TNR: variants seen among roughly 807,000 people sequenced by gnomAD.
TNR encodes the protein tenascin R.
A neutral mutation model predicts 150.4 loss-of-function variants in TNR; 45 were observed. The observed-to-expected ratio is 0.30, with a 90% CI of 0.24 to 0.38. TNR has a LOEUF of 0.38. TNR is among the 10% of genes least tolerant of loss of function. The pLI is 1.00. For synonymous variants in TNR, 687 were observed against 678.4 expected (o/e 1.01, Z -0.20); for missense variants, 1,544 against 1,759.1 (o/e 0.88, Z 2.19).
chr1:175,519,342 T>G (rs1659540046), intron 2 of TNR, among the ~76,000 whole-genome samples: 1 of 152,238 alleles, frequency 6.6e-6, no homozygotes, highest in Admixed American at 6.5e-5. Flanking sequence ...TGTTATCCAT[T>G]AAATTTTGAG....
At chr1:175,444,246 G>C (rs1655928774) in intron 2 of TNR, among the ~76,000 whole-genome samples, 1 of 152,144 alleles carries the variant, frequency 6.6e-6, no homozygotes, top group Non-Finnish European at 1.5e-5. Context: ...AGGAGAGGAG[G>C]GACCCCTGCA....
At chr1:175,455,099 A>G (rs948196544) in intron 2 of TNR, among the ~76,000 whole-genome samples, 1 of 152,198 alleles carries the variant, frequency 6.6e-6, no homozygotes, top group Non-Finnish European at 1.5e-5. Context: ...TCATGCTGAT[A>G]ATCCCAGCCT....
intron 1 of TNR, among the ~76,000 whole-genome samples, chr1:175,552,727 C>T (rs1660996216): frequency 6.6e-6 from 1 of 152,178 alleles, no homozygotes; most frequent in Non-Finnish European, 1.5e-5. Flanking sequence ...TTCTTTATCT[C>T]CCCTGTCTGT....
chr1:175,677,248 G>A (rs528339207), intron 1 of TNR, among the ~76,000 whole-genome samples: 2 of 152,332 alleles, frequency 1.3e-5, no homozygotes, highest in African/African-American at 4.8e-5. Context: ...GTTGTAACCA[G>A]AGTGCATTCA....
intron 20 of TNR, among the ~76,000 whole-genome samples, chr1:175,333,051 T>C (rs1034739791): frequency 6.6e-6 from 1 of 152,222 alleles, no homozygotes; most frequent in Non-Finnish European, 1.5e-5. Flanking sequence ...TTGTTTAGCA[T>C]GAAAAGCATG....
At chr1:175,471,853 C>A (rs139107559) in intron 2 of TNR, among the ~76,000 whole-genome samples, 1 of 152,084 alleles carries the variant, frequency 6.6e-6, no homozygotes, top group African/African-American at 2.4e-5. Context: ...TTTGCAATAA[C>A]GTAACTTAAA....
chr1:175,650,835 C>T (rs1449258889), intron 1 of TNR, among the ~76,000 whole-genome samples: 5 of 45,888 alleles, frequency 1.1e-4, no homozygotes, highest in South Asian at 8.3e-4. Context: ...TACTACCCCT[C>T]CCCCACCTCA....
At chr1:175,436,678 G>C (rs899995732) in intron 2 of TNR, among the ~76,000 whole-genome samples, 1 of 152,162 alleles carries the variant, frequency 6.6e-6, no homozygotes, top group South Asian at 2.1e-4. Flanking sequence ...TAAAGGGATG[G>C]AGGAAGATCT....
At chr1:175,731,056 T>C (rs6688390) in intron 1 of TNR, among the ~76,000 whole-genome samples, 43,602 of 151,990 alleles carry the variant, frequency 0.29, 6,381 homozygotes, top group African/African-American at 0.35. Flanking sequence ...CATATTGTAG[T>C]AATAAGAGGA....
intron 1 of TNR, among the ~76,000 whole-genome samples, chr1:175,560,220 G>C (rs1198277563): frequency 6.6e-6 from 1 of 152,182 alleles, no homozygotes; most frequent in African/African-American, 2.4e-5. Flanking sequence ...GTTTTAGCCA[G>C]TCCCATAGTC....
At chr1:175,732,653 C>G (rs1667674565) in intron 1 of TNR, among the ~76,000 whole-genome samples, 1 of 152,150 alleles carries the variant, frequency 6.6e-6, no homozygotes, top group South Asian at 2.1e-4. Flanking sequence ...CAGTGGGGAA[C>G]CTGGAAGGTT....
At chr1:175,524,443 C>T (rs1659773105) in intron 2 of TNR, among the ~76,000 whole-genome samples, 2 of 151,332 alleles carry the variant, frequency 1.3e-5, no homozygotes, top group Non-Finnish European at 2.9e-5. Flanking sequence ...TTAATGGAGA[C>T]CAAGTATTGT....
chr1:175,366,208 G>A, intron 10 of TNR, 70 bp from the exon 11 acceptor site: 1 of 1,477,018 alleles, frequency 6.8e-7, no homozygotes, highest in Admixed American at 2.2e-5. Context: ...GGCCTGCTTT[G>A]TGTGTTTCCA....
intron 1 of TNR, among the ~76,000 whole-genome samples, chr1:175,585,564 T>G (rs1445873642): frequency 6.6e-6 from 1 of 152,204 alleles, no homozygotes; most frequent in Non-Finnish European, 1.5e-5. Flanking sequence ...GATTCAGACT[T>G]GTGTTTTTCA....
At chr1:175,438,344 A>G (rs1655615712) in intron 2 of TNR, among the ~76,000 whole-genome samples, 2 of 152,064 alleles carry the variant, frequency 1.3e-5, no homozygotes, top group South Asian at 4.1e-4. Context: ...CGTGCTAAAA[A>G]CTCTCAATAA....
rs1557867622 is a variant in TNR at position 175,331,051 on chromosome 1, T to TTCTTTCTTTCTG, written c.3632-817_3632-816insCAGAAAGAAAGA. 1.8e-3 allele frequency among the ~76,000 whole-genome samples: 187 copies of TTCTTTCTTTCTG among 106,768 alleles called. 9 individuals carry two copies. Among genetic ancestry groups the TTCTTTCTTTCTG allele is most frequent in the African/African-American group, 6.5e-3 (180 of 27,850 alleles). The allele number at this position is 106,768 out of a possible 152,430, so 70.0% of individuals were successfully genotyped here. A position where few individuals can be genotyped will look rare whatever the true frequency, so the allele number is the denominator to read the frequency against. ...TTTCTTTCTTTCTTTCTTTCTTTCT[T>TTCTTTCTTTCTG]TCTTTCTTTCTTTCTTTCTTTCTTT... On this transcript the variant is annotated intron_variant, in intron 20 of 22. Coordinates refer to ENST00000367674, the MANE Select transcript of TNR (RefSeq NM_003285.3).
intron 1 of TNR, among the ~76,000 whole-genome samples, chr1:175,730,161 T>A (rs1244518812): frequency 6.6e-6 from 1 of 152,152 alleles, no homozygotes; most frequent in Non-Finnish European, 1.5e-5. Context: ...TCCAGCCACA[T>A]CACGTTTCTC....
At chr1:175,428,322 A>G (rs1399421475) in intron 2 of TNR, among the ~76,000 whole-genome samples, 1 of 152,186 alleles carries the variant, frequency 6.6e-6, no homozygotes, top group African/African-American at 2.4e-5. Context: ...ACTGCTGACC[A>G]GCATCTCCTA....
chr1:175,429,289 A>G (rs1195947619), intron 2 of TNR, among the ~76,000 whole-genome samples: 1 of 152,246 alleles, frequency 6.6e-6, no homozygotes, highest in Non-Finnish European at 1.5e-5. Flanking sequence ...ATATGTAAAT[A>G]TAGATTTAGA....
Sources: allele counts gnomAD v4.1 joint callset (sites outside exome capture counted in the v4.1 genomes callset), GRCh38; gene constraint gnomAD v4.1.1; transcripts MANE v1.5; gene names NCBI Gene and HGNC (gene_info 2026-07-23, HGNC 2026-07-21).